MIS18BP1: variants seen among roughly 807,000 people sequenced by gnomAD.
The protein encoded by MIS18BP1 is MIS18 binding protein 1.
In MIS18BP1, 72 loss-of-function variants were observed where a neutral mutation model predicts 116.1. That is an observed-to-expected ratio of 0.62 (90% confidence interval 0.51 to 0.75). MIS18BP1 has a LOEUF of 0.75. MIS18BP1 is among the 30% of genes least tolerant of loss of function. The pLI is 0.00. For missense variants in MIS18BP1, 1,363 were observed against 1,303.2 expected, an observed-to-expected ratio of 1.05 and a Z score of -0.71; for synonymous variants, 386 against 427.0, an observed-to-expected ratio of 0.90 and a Z score of 1.18.
At chr14:45,252,490 G>A (rs1891904039) in intron 1 of MIS18BP1, among the ~76,000 whole-genome samples, 1 of 152,190 alleles carries the variant, frequency 6.6e-6, no homozygotes, top group South Asian at 2.1e-4. Flanking sequence ...TATCTTTGAA[G>A]GCCAGGATGA....
In MIS18BP1 at chr14:45,224,607, C is replaced by A. The variant is rs1398480792; in HGVS notation, c.1980G>T (p.Val660=). The A allele has an allele frequency of 1.2e-6, 2 of 1,613,622 alleles. No individual in the cohort carries two copies. Among genetic ancestry groups the A allele is most frequent in the African/African-American group, 2.7e-5 (2 of 74,878 alleles). ...TATACCTCATGCATCTTTGCTCTATCACTTTTCTAGATTTAAGTGGTGTTA... is the reference window on the plus strand; with the variant it reads ...TATACCTCATGCATCTTTGCTCTATAACTTTTCTAGATTTAAGTGGTGTTA... ...ILVTPLKSRK[V]IEQRCMRYNL... is the part of the protein sequence containing the mutation. The change falls in exon 11 of 17, where the codon GTG becomes GTT. Residue 660 remains valine, a synonymous_variant. Transcript: ENST00000310806.
At chr14:45,247,781 C>G (rs1395007606) in intron 1 of MIS18BP1, among the ~76,000 whole-genome samples, 1 of 152,136 alleles carries the variant, frequency 6.6e-6, no homozygotes, top group Non-Finnish European at 1.5e-5. Context: ...TAAAGTTCCA[C>G]AAATATAATT....
chr14:45,206,832 T>C (rs1180345610), intron 14 of MIS18BP1, among the ~76,000 whole-genome samples: 1 of 152,200 alleles, frequency 6.6e-6, no homozygotes, highest in Non-Finnish European at 1.5e-5. Context: ...GGACTCCCTT[T>C]TGCTATACCA....
At chr14:45,206,262 A>T in intron 14 of MIS18BP1, 92 bp from the exon 15 acceptor site, 1 of 787,696 alleles carries the variant, frequency 1.3e-6, no homozygotes, top group Non-Finnish European at 2.1e-6. Context: ...CCACAGGTTG[A>T]ACAACAATTG....
intron 3 of MIS18BP1, 112 bp downstream of exon 3, chr14:45,242,649 T>G (rs956670954): frequency 1.4e-6 from 2 of 1,460,802 alleles, no homozygotes; most frequent in Non-Finnish European, 9.1e-7. Context: ...CTTTTACGAT[T>G]CAAGCTTTTG....
At chr14:45,211,454 C>T (rs879405338) in intron 13 of MIS18BP1, among the ~76,000 whole-genome samples, 5 of 152,182 alleles carry the variant, frequency 3.3e-5, no homozygotes, top group Admixed American at 2.6e-4. Context: ...CCTAACACCT[C>T]CTAACCCCCT....
At chr14:45,245,298 A>G (rs1210190982) in intron 2 of MIS18BP1, among the ~76,000 whole-genome samples, 1 of 152,000 alleles carries the variant, frequency 6.6e-6, no homozygotes, top group Non-Finnish European at 1.5e-5. Context: ...TGGCTTTCAC[A>G]GTATCACTCT....
At chr14:45,221,438 A>AAAAT (rs774586683) in intron 11 of MIS18BP1, among the ~76,000 whole-genome samples, 3 of 151,836 alleles carry the variant, frequency 2.0e-5, no homozygotes, top group Non-Finnish European at 2.9e-5. Context: ...CTCCGTCTCA[A>AAAAT]AAATAAATAA....
intron 13 of MIS18BP1, among the ~76,000 whole-genome samples, chr14:45,216,742 T>C (rs1352831101): frequency 6.6e-6 from 1 of 152,226 alleles, no homozygotes; most frequent in Non-Finnish European, 1.5e-5. Flanking sequence ...GTTTGCTAGG[T>C]AGTATATTAA....
chr14:45,224,206 CCTG>C lies in MIS18BP1; in HGVS notation c.2378_2380del (p.Ala793del). 2.5e-6 allele frequency: 4 copies of C among 1,614,004 alleles called. No homozygotes were observed. The highest frequency in any genetic ancestry group is 3.4e-6 in the Non-Finnish European group (4 of 1,180,012). The stretch of plus-strand genomic sequence containing the variant: ...GTGAACCACTGCTTCTTTGGTGTTT[CCTG>C]CTTTGGTTTTCTTAACTTCAGCTTT... On this transcript the variant is annotated inframe_deletion, in exon 11 of 17. Transcript: ENST00000310806.
chr14:45,232,170 A>G (rs1487937862), intron 7 of MIS18BP1, among the ~76,000 whole-genome samples: 2 of 152,098 alleles, frequency 1.3e-5, no homozygotes, highest in Admixed American at 1.3e-4. Context: ...TAATCCCAGC[A>G]CTTTGGGAGG....
Position 45,242,140 on chromosome 14 carries a change from G to T in MIS18BP1, c.1037C>A (p.Thr346Lys). 6.2e-7 allele frequency: 1 copy of T among 1,614,082 alleles called. No homozygotes were observed. The highest frequency in any genetic ancestry group is 1.1e-5 in the South Asian group (1 of 91,074). Residue 346 changes from threonine (T) to lysine (K), a missense_variant, in exon 4 of 17, where the codon ACA (threonine) becomes AAA (lysine). Coordinates refer to ENST00000310806, the MANE Select transcript of MIS18BP1 (RefSeq NM_018353.5). ...AGGTATTGTTATATGAAGTCTTGGTGTTGCAAGTACAATTTTACATGTATC... is the reference window on the plus strand; with the variant it reads ...AGGTATTGTTATATGAAGTCTTGGTTTTGCAAGTACAATTTTACATGTATC... ...MKDTCKIVLA[T>K]PRLHITIPRR... is the part of the protein sequence containing the mutation.
intron 13 of MIS18BP1, among the ~76,000 whole-genome samples, chr14:45,213,195 C>T (rs559821009): frequency 1.3e-5 from 2 of 152,308 alleles, no homozygotes; most frequent in East Asian, 3.9e-4. Flanking sequence ...TAAGCCAGCA[C>T]ACCCGGCCAG....
intron 6 of MIS18BP1, among the ~76,000 whole-genome samples, chr14:45,235,348 C>T (rs1452503096): frequency 2.6e-5 from 4 of 152,084 alleles, no homozygotes; most frequent in Non-Finnish European, 4.4e-5. Flanking sequence ...CAGCTACCTG[C>T]AGTTGCTATT....
intron 11 of MIS18BP1, among the ~76,000 whole-genome samples, chr14:45,221,164 C>T (rs966834402): frequency 6.7e-5 from 10 of 149,408 alleles, no homozygotes; most frequent in Admixed American, 1.3e-4. Context: ...AGAAGCCGGG[C>T]GCGGTGGCTC....
intron 8 of MIS18BP1, among the ~76,000 whole-genome samples, chr14:45,229,984 T>A (rs1891231306): frequency 6.6e-6 from 1 of 152,182 alleles, no homozygotes; most frequent in Non-Finnish European, 1.5e-5. Context: ...CGTATTCCTT[T>A]CTCTGCATTA....
At chr14:45,209,502 G>T (rs1009023116) in intron 14 of MIS18BP1, among the ~76,000 whole-genome samples, 1 of 151,774 alleles carries the variant, frequency 6.6e-6, no homozygotes, top group African/African-American at 2.4e-5. Flanking sequence ...TAACATTTTT[G>T]GGTTTTTTTT....
At chr14:45,252,456 G>A (rs1014507282) in intron 1 of MIS18BP1, among the ~76,000 whole-genome samples, 1 of 152,134 alleles carries the variant, frequency 6.6e-6, no homozygotes, top group Non-Finnish European at 1.5e-5. Context: ...TCTGGAAGCG[G>A]TGAACCAAAT....
At chr14:45,221,044 A>C (rs1402462155) in intron 11 of MIS18BP1, among the ~76,000 whole-genome samples, 1 of 152,158 alleles carries the variant, frequency 6.6e-6, no homozygotes, top group Non-Finnish European at 1.5e-5. Flanking sequence ...CTGAGGCAGG[A>C]GAATTGCTTA....
Sources: allele counts gnomAD v4.1 joint callset (sites outside exome capture counted in the v4.1 genomes callset), GRCh38; gene constraint gnomAD v4.1.1; transcripts MANE v1.5; gene names NCBI Gene and HGNC (gene_info 2026-07-23, HGNC 2026-07-21).